Variants in ZNF318 observed in about 807,000 individuals in gnomAD.
ZNF318 encodes the protein endocrine regulator.
ZNF318 carries 51 observed loss-of-function variants against 124.2 expected under a neutral mutation model. The observed-to-expected ratio is 0.41, with a 90% CI of 0.33 to 0.52. The LOEUF (loss-of-function observed/expected upper bound fraction) is 0.52. Ranked by LOEUF, ZNF318 falls within the 20% of genes least tolerant of loss-of-function variation. ZNF318 has a pLI of 0.23. For missense variants in ZNF318, 2,815 were observed against 2,811.2 expected (o/e 1.00, Z -0.03); for synonymous variants, 1,090 against 1,040.7 (o/e 1.05, Z -0.91).
chr6:43,365,161 T>G lies in ZNF318; in HGVS notation c.548+131A>C, dbSNP rs1779742093. The G allele has an allele frequency of 3.2e-6, 3 of 934,928 alleles. No homozygotes were observed. The Admixed American group carries it at 8.5e-5, about 26-fold the overall frequency. 57.9% of individuals were successfully genotyped at this position (934,928 alleles called of 1,614,324 possible). A position where few individuals can be genotyped will look rare whatever the true frequency, so the allele number is the denominator to read the frequency against. On this transcript the variant is annotated intron_variant, in intron 2 of 9. Coordinates refer to ENST00000361428, the MANE Select transcript of ZNF318 (RefSeq NM_014345.3). ...AGAAATTCTATCCCAGCGTTTTATT[T>G]TGTACTGGACATGTGGCATAGGAAA...
Position 43,357,501 on chromosome 6 carries a change from G to A in ZNF318, c.813C>T (p.Ala271=). Residue 271 remains alanine, a synonymous_variant, in exon 3 of 10, where the codon GCC becomes GCT. Transcript: ENST00000361428. ...SIRSEERSRE[A]KRPRYDDTVK... is the part of the protein sequence containing the mutation. ...CTGTGTCATCATAACGGGGTCTTTT[G>A]GCCTCCCGGCTCCTTTCTTCAGATC... 6.2e-7 allele frequency: 1 copy of A among 1,614,102 alleles called. No homozygotes were observed. The highest frequency in any genetic ancestry group is 1.1e-5 in the South Asian group (1 of 91,074).
rs2150753379 is a variant in ZNF318, at chr6:43,352,432, G to A, written c.2715C>T (p.Arg905=). The change falls in exon 5 of 10, where the codon CGC becomes CGT. Residue 905 remains arginine (R), a synonymous_variant. Coordinates refer to ENST00000361428, the MANE Select transcript of ZNF318 (RefSeq NM_014345.3). The stretch of plus-strand genomic sequence containing the variant: ...TCCTAAGATAGTACATCTTCTTCTG[G>A]CGGGCTTCCCGGTCATTCTTTAGTT... ...REKLKNDREA[R]QKKMYYLRTE... 1 of 1,614,098 alleles carries A rather than the reference G, an allele frequency of 6.2e-7. No individual in the cohort carries two copies. Among genetic ancestry groups the A allele is most frequent in the Non-Finnish European group, 8.5e-7 (1 of 1,180,010 alleles).
At chr6:43,365,890 A>G (rs1425310177) in intron 1 of ZNF318, among the ~76,000 whole-genome samples, 3 of 152,222 alleles carry the variant, frequency 2.0e-5, no homozygotes, top group Non-Finnish European at 4.4e-5. Flanking sequence ...TCATTTTCTT[A>G]GAGATATAAG....
Position 43,342,200 on chromosome 6 carries a change from G to A in ZNF318, c.3288C>T (p.Pro1096=). The change falls in exon 8 of 10, where the codon CCC becomes CCT. Residue 1096 remains proline (P), a synonymous_variant. Transcript: ENST00000361428. ...HNKKHTQTLD[P]YNRPWASKTQ... ...TCTTTGAAGCCCAAGGTCTGTTGTA[G>A]GGATCCAGTGTCTATTTGTAAGAGG... The A allele has an allele frequency of 6.2e-7, 1 of 1,611,928 alleles. No homozygotes were observed.
chr6:43,347,856 C>T (rs1779468024), intron 6 of ZNF318, among the ~76,000 whole-genome samples: 1 of 151,954 alleles, frequency 6.6e-6, no homozygotes, highest in South Asian at 2.1e-4. Flanking sequence ...CAGGAGCATC[C>T]AATGTACTAC....
chr6:43,338,695 TCA>T lies in ZNF318; in HGVS notation c.5301_5302del (p.Glu1768GlyfsTer3). The T allele has an allele frequency of 6.2e-7, 1 of 1,614,192 alleles. No homozygotes were observed. The highest frequency in any genetic ancestry group is 8.5e-7 in the Non-Finnish European group (1 of 1,180,040). On this transcript the variant is annotated frameshift_variant, in exon 10 of 10. Transcript: ENST00000361428. LOFTEE classifies it low-confidence loss of function (END_TRUNC). ...CTCTATCTCACTTTCTCTACAATCC[TCA>T]GATTTACGGAGCTCTTGGCTTTCCT...
rs754324276 is a variant in ZNF318 at position 43,337,539 on chromosome 6, C to G, written c.6459G>C (p.Leu2153Phe). The change falls in exon 10 of 10, where the codon TTG (leucine) becomes TTC (phenylalanine). Residue 2153 changes from leucine to phenylalanine, a missense_variant. Leu to Phe is a conservative substitution (Grantham distance 22, BLOSUM62 0). Around this residue, in one of 4 missense-constraint regions of ZNF318, gnomAD observed 927 missense variants for 820.6 expected, o/e 1.13. Coordinates refer to ENST00000361428, the MANE Select transcript of ZNF318 (RefSeq NM_014345.3). Reference protein sequence around the residue: ...SQLDKQESLGLELKTINSAGL... With the variant: ...SQLDKQESLGFELKTINSAGL... ...CTGCAGAATTAATTGTTTTTAATTC[C>G]AATCCGAGTGACTCTTGTTTGTCTA... The G allele has an allele frequency of 6.2e-7, 1 of 1,613,892 alleles. No homozygotes were observed. Among genetic ancestry groups the G allele is most frequent in the Non-Finnish European group, 8.5e-7 (1 of 1,179,994 alleles).
chr6:43,347,111 G>A (rs1779458375), intron 6 of ZNF318, among the ~76,000 whole-genome samples: 1 of 152,210 alleles, frequency 6.6e-6, no homozygotes, highest in African/African-American at 2.4e-5. Flanking sequence ...CAATCTAAAG[G>A]ATGAATTGGA....
At position 43,336,266 on chromosome 6, in the gene ZNF318, T is replaced by A. The variant is rs1296032081; in HGVS notation, c.*892A>T. 1 of 152,564 alleles carries A rather than the reference T, an allele frequency of 6.6e-6. No homozygotes were observed. The highest frequency in any genetic ancestry group is 1.5e-5 in the Non-Finnish European group (1 of 68,024). 9.5% of individuals were successfully genotyped at this position (152,564 alleles called of 1,614,324 possible). ...TTTGTGGAACAGGGAATGAGTTCAA[T>A]CTCAAGACAAGTTTCAGAGATCTTC... On this transcript the variant is annotated 3_prime_UTR_variant, in exon 10 of 10. Transcript: ENST00000361428.
Position 43,369,498 on chromosome 6 carries a change from C to G in ZNF318, c.-133G>C, listed in dbSNP as rs968555832. ...CGCCGCCTCAGCCGCGGGAGCAGCCCCCTCCCCTCGGCCCCGCGTCGCCCC... is the reference window on the plus strand; with the variant it reads ...CGCCGCCTCAGCCGCGGGAGCAGCCGCCTCCCCTCGGCCCCGCGTCGCCCC... On this transcript the variant is annotated 5_prime_UTR_variant, in exon 1 of 10. Transcript: ENST00000361428. 1 of 679,108 alleles carries G rather than the reference C, an allele frequency of 1.5e-6. No homozygotes were observed. Among genetic ancestry groups the G allele is most frequent in the African/African-American group, 2.0e-5 (1 of 51,186 alleles). 42.1% of individuals were successfully genotyped at this position (679,108 alleles called of 1,614,324 possible).
In ZNF318 at chr6:43,342,895, C is replaced by G; in HGVS notation, c.3073-16G>C. ...CTTTTGATTCCTAGAGGGGAAAAAT[C>G]TGTACTTACAAGGAATTCAAGGCAA... On this transcript the variant is annotated splice_polypyrimidine_tract_variant and intron_variant, in intron 6 of 9. Coordinates refer to ENST00000361428, the MANE Select transcript of ZNF318 (RefSeq NM_014345.3). 5 of 1,599,296 alleles carry G rather than the reference C, an allele frequency of 3.1e-6. No homozygotes were observed. Among genetic ancestry groups the G allele is most frequent in the Non-Finnish European group, 8.5e-7 (1 of 1,170,342 alleles).
rs1156361767 is a variant in ZNF318 at position 43,354,803 on chromosome 6, T to C, written c.2531A>G (p.Asp844Gly). The C allele has an allele frequency of 6.2e-7, 1 of 1,614,094 alleles. No homozygotes were observed. The highest frequency in any genetic ancestry group is 1.3e-5 in the African/African-American group (1 of 74,942). Residue 844 changes from aspartate (D) to glycine (G), a missense_variant, in exon 4 of 10, where the codon GAT (aspartate) becomes GGT (glycine). Asp to Gly is a moderately conservative substitution (Grantham distance 94). This residue lies in a region of ZNF318 where 1,377 missense variants were observed against 1,353.5 expected (regional missense o/e 1.02). Coordinates refer to ENST00000361428, the MANE Select transcript of ZNF318 (RefSeq NM_014345.3). ...NLRVIPTVTPDKPKQKESLRG... is the reference protein window; with the variant it reads ...NLRVIPTVTPGKPKQKESLRG... ...CAGAGACTCTTTCTGCTTAGGCTTA[T>C]CAGGAGTCACAGTGGGGATCACACG...
intron 6 of ZNF318, among the ~76,000 whole-genome samples, chr6:43,347,555 C>A (rs925720917): frequency 1.3e-5 from 2 of 152,024 alleles, no homozygotes; most frequent in African/African-American, 4.8e-5. Context: ...GAATGCATAA[C>A]AATGGAGAAA....
chr6:43,349,386 C>CT lies in ZNF318; in HGVS notation c.2771-762dup, dbSNP rs369338217. On this transcript the variant is annotated intron_variant, in intron 5 of 9. Coordinates refer to ENST00000361428, the MANE Select transcript of ZNF318 (RefSeq NM_014345.3). ...GTTTTAGGTTTTGCCTCTGGTTTAT[C>CT]TTTTTTTTTTTTTTTTTTTGGTAGA... Among the ~76,000 whole-genome samples, 928 of 124,164 alleles carry CT rather than the reference C, an allele frequency of 7.5e-3. 11 individuals carry two copies. Among genetic ancestry groups the CT allele is most frequent in the Middle Eastern group, 0.017 (4 of 234 alleles). 81.5% of individuals were successfully genotyped at this position (124,164 alleles called of 152,430 possible).
rs151009957 is a variant in ZNF318, at chr6:43,354,734, A to G, written c.2600T>C (p.Ile867Thr). The G allele has an allele frequency of 3.0e-5, 48 of 1,614,016 alleles. No homozygotes were observed. The highest frequency in any genetic ancestry group is 3.9e-5 in the Non-Finnish European group (46 of 1,180,040). Residue 867 changes from isoleucine (I) to threonine (T), a missense_variant, in exon 4 of 10, where the codon ATT (isoleucine) becomes ACT (threonine). Transcript: ENST00000361428. ...PAAQVPVQVSIPSLIRYNPEK... is the reference protein window; with the variant it reads ...PAAQVPVQVSTPSLIRYNPEK... ...TGGATTATATCTTATGAGTGATGGA[A>G]TGGACACCTGGACAGGCACTTGGGC... is the stretch of plus-strand genomic sequence containing the variant.
intron 8 of ZNF318, among the ~76,000 whole-genome samples, 198 bp downstream of exon 8, chr6:43,341,914 G>A (rs1290094251): frequency 6.6e-6 from 1 of 152,112 alleles, no homozygotes; most frequent in Non-Finnish European, 1.5e-5. Context: ...TGGCCATATG[G>A]GTAGAGATCA....
chr6:43,336,646 T>C lies in ZNF318; in HGVS notation c.*512A>G, dbSNP rs527558414. On this transcript the variant is annotated 3_prime_UTR_variant, in exon 10 of 10. Coordinates refer to ENST00000361428, the MANE Select transcript of ZNF318 (RefSeq NM_014345.3). Reference sequence around the variant, plus strand: ...CAATGTTAAGGCAGGCCCATCCAAATGGAAGCCTAAGAGATGAACAATTCT... The same window carrying C: ...CAATGTTAAGGCAGGCCCATCCAAACGGAAGCCTAAGAGATGAACAATTCT... 4.6e-4 allele frequency: 70 copies of C among 152,674 alleles called. No homozygotes were observed. The highest frequency in any genetic ancestry group is 1.6e-3 in the African/African-American group (66 of 41,552). 9.5% of individuals were successfully genotyped at this position (152,674 alleles called of 1,614,324 possible).
intron 2 of ZNF318, among the ~76,000 whole-genome samples, chr6:43,362,687 A>G (rs1320881848): frequency 1.3e-5 from 2 of 151,928 alleles, no homozygotes; most frequent in Non-Finnish European, 2.9e-5. Flanking sequence ...TATTTTTGGT[A>G]GAGACAGGAT....
intron 1 of ZNF318, among the ~76,000 whole-genome samples, chr6:43,365,985 G>A (rs150486695): frequency 6.6e-6 from 1 of 152,172 alleles, no homozygotes; most frequent in East Asian, 1.9e-4. Context: ...CCTGCTCTCA[G>A]AACCCTACTT....
Sources: gnomAD v4.1 joint callset for allele counts (sites outside exome capture counted in the v4.1 genomes callset) on GRCh38, gnomAD v4.1.1 for gene constraint, gnomAD v4.1.1 regional missense constraint, MANE v1.5 for transcripts, NCBI Gene and HGNC (gene_info 2026-07-23, HGNC 2026-07-21) for gene names.